NAALADL2: variants seen among roughly 807,000 people sequenced by gnomAD.
NAALADL2 encodes the protein inactive N-acetylated-alpha-linked acidic dipeptidase-like protein 2.
A neutral mutation model predicts 87.2 loss-of-function variants in NAALADL2; 76 were observed. The observed-to-expected ratio is 0.87, with a 90% confidence interval of 0.72 to 1.05. The LOEUF (loss-of-function observed/expected upper bound fraction) is 1.05, where lower values mean the gene tolerates loss of function less well. Among genes scored for constraint, NAALADL2 ranks in the 50% least tolerant of loss-of-function variants. The pLI is 0.00. For synonymous variants in NAALADL2, 354 were observed against 331.0 expected, an observed-to-expected ratio of 1.07 and a Z score of -0.75; for missense variants, 1,089 against 945.8, an observed-to-expected ratio of 1.15 and a Z score of -1.99.
At chr3:175,738,495 C>T (rs1202406089) in intron 12 of NAALADL2, among the ~76,000 whole-genome samples, 1 of 152,202 alleles carries the variant, frequency 6.6e-6, no homozygotes, top group Non-Finnish European at 1.5e-5. Flanking sequence ...AATCTGCCTG[C>T]CTCGGCCTCC....
At chr3:174,918,002 G>A (rs1023747822) in intron 1 of NAALADL2, among the ~76,000 whole-genome samples, 38 of 151,972 alleles carry the variant, frequency 2.5e-4, no homozygotes, top group African/African-American at 2.4e-5. Flanking sequence ...AAATATTTAT[G>A]ATGAAAATAA....
chr3:175,495,421 G>A (rs1382516251), intron 9 of NAALADL2, among the ~76,000 whole-genome samples: 2 of 151,994 alleles, frequency 1.3e-5, no homozygotes, highest in African/African-American at 4.8e-5. Context: ...TGCATGAAAC[G>A]GGGACTAAGA....
chr3:175,166,673 T>A (rs1002037422), intron 2 of NAALADL2, among the ~76,000 whole-genome samples: 1 of 152,046 alleles, frequency 6.6e-6, no homozygotes, highest in African/African-American at 2.4e-5. Flanking sequence ...GATGATTTCA[T>A]ACATTTCCAT....
chr3:175,727,390 C>G (rs144119230), intron 11 of NAALADL2, among the ~76,000 whole-genome samples: 21 of 152,274 alleles, frequency 1.4e-4, no homozygotes, highest in African/African-American at 4.3e-4. Flanking sequence ...TATGTTCACA[C>G]GTAGTTTCTT....
intron 11 of NAALADL2, among the ~76,000 whole-genome samples, chr3:175,668,173 C>T (rs1023211584): frequency 1.3e-5 from 2 of 152,078 alleles, no homozygotes; most frequent in Non-Finnish European, 2.9e-5. Flanking sequence ...ATGGAGAAAA[C>T]TGATTACCTT....
chr3:175,159,823 C>T (rs1467864867), intron 2 of NAALADL2, among the ~76,000 whole-genome samples: 1 of 150,626 alleles, frequency 6.6e-6, no homozygotes, highest in Admixed American at 6.6e-5. Flanking sequence ...CTTCCTTCCT[C>T]TCTCTCTCTT....
At chr3:175,311,691 C>T (rs1051917344) in intron 4 of NAALADL2, among the ~76,000 whole-genome samples, 7 of 144,728 alleles carry the variant, frequency 4.8e-5, no homozygotes, top group African/African-American at 1.8e-4. Flanking sequence ...TTCCTTCCTT[C>T]CTTCCTTCCT....
intron 13 of NAALADL2, among the ~76,000 whole-genome samples, chr3:175,759,263 T>C (rs1051374999): frequency 3.9e-5 from 6 of 152,146 alleles, no homozygotes; most frequent in African/African-American, 1.4e-4. Flanking sequence ...AGAATACTTA[T>C]TCAAAGTGCA....
chr3:174,529,081 C>A (rs867176645), intron 1 of NAALADL2, among the ~76,000 whole-genome samples: 2 of 152,200 alleles, frequency 1.3e-5, no homozygotes, highest in African/African-American at 4.8e-5. Context: ...TGAGACAAGG[C>A]TAGTCCCTTC....
intron 1 of NAALADL2, among the ~76,000 whole-genome samples, chr3:175,036,928 T>A (rs1374356286): frequency 1.3e-5 from 2 of 151,686 alleles, no homozygotes; most frequent in African/African-American, 4.8e-5. Context: ...TGTCTGAATA[T>A]GATACAGTCA....
At chr3:175,084,139 T>G (rs1018236971) in intron 1 of NAALADL2, among the ~76,000 whole-genome samples, 51 of 152,290 alleles carry the variant, frequency 3.3e-4, no homozygotes, top group African/African-American at 1.2e-3. Flanking sequence ...TGATCAGGTG[T>G]GTGTTTTGGA....
chr3:174,652,753 A>T lies in NAALADL2; in HGVS notation c.-114-84888A>T, dbSNP rs182097628. 3.9e-5 allele frequency among the ~76,000 whole-genome samples: 6 copies of T among 152,288 alleles called. No homozygotes were observed. In the East Asian group the frequency reaches 9.7e-4, roughly 25 times the overall value. ...AAAAATCCTATTATATTCAATTAAG[A>T]ACTTCTATAAATCAAAAGACATCAT... On this transcript the variant is annotated intron_variant, in intron 2 of 3. Transcript: ENST00000434257.
At chr3:174,910,192 C>T (rs116762943) in intron 1 of NAALADL2, among the ~76,000 whole-genome samples, 1,695 of 151,832 alleles carry the variant, frequency 0.011, 44 homozygotes, top group African/African-American at 0.039. Flanking sequence ...TAGAGATCGT[C>T]AGAAGGTTAG....
At chr3:174,757,326 G>A (rs1712235768) in intron 3 of NAALADL2, among the ~76,000 whole-genome samples, 1 of 152,140 alleles carries the variant, frequency 6.6e-6, no homozygotes, top group Non-Finnish European at 1.5e-5. Context: ...TAGCCAATGA[G>A]CAAGGCTGGG....
intron 1 of NAALADL2, among the ~76,000 whole-genome samples, chr3:174,960,578 G>A (rs11916492): frequency 0.046 from 7,024 of 151,964 alleles, 277 homozygotes; most frequent in African/African-American, 0.1. Context: ...CCAATAGAAT[G>A]TGTTCTCTGC....
intron 1 of NAALADL2, among the ~76,000 whole-genome samples, chr3:175,010,162 C>T (rs1165934972): frequency 1.3e-5 from 2 of 151,970 alleles, no homozygotes; most frequent in Non-Finnish European, 2.9e-5. Flanking sequence ...TTTAACTTGG[C>T]CAATAATGTT....
rs377710397 is a variant in NAALADL2 at position 174,830,144 on chromosome 3, T to G, written c.-9+92398T>G. Among the ~76,000 whole-genome samples, 417 of 129,352 alleles carry G rather than the reference T, an allele frequency of 3.2e-3. 2 individuals are homozygous for G. Among genetic ancestry groups the G allele is most frequent in the Middle Eastern group, 0.022 (6 of 268 alleles). The allele number at this position is 129,352 out of a possible 152,430, so 84.9% of individuals were successfully genotyped here. ...AATTAGATCCCATTTGTCAATTTTG[T>G]CTTTTGTTGCCATTGCTTTTGGTGT... On this transcript the variant is annotated intron_variant, in intron 3 of 3. Coordinates refer to the NAALADL2 transcript ENST00000434257.
At chr3:175,340,453 C>G (rs774060483) in intron 5 of NAALADL2, among the ~76,000 whole-genome samples, 1 of 152,078 alleles carries the variant, frequency 6.6e-6, no homozygotes, top group Non-Finnish European at 1.5e-5. Flanking sequence ...TAGGAGCCCT[C>G]GATTGCTGGG....
chr3:175,147,084 T>G, intron 2 of NAALADL2, among the ~76,000 whole-genome samples: 1 of 152,158 alleles, frequency 6.6e-6, no homozygotes, highest in Non-Finnish European at 1.5e-5. Context: ...GCAAACATGA[T>G]TTTTAAAAAA....
Sources: allele counts gnomAD v4.1 joint callset (sites outside exome capture counted in the v4.1 genomes callset), GRCh38; gene constraint gnomAD v4.1.1; transcripts MANE v1.5; gene names NCBI Gene and HGNC (gene_info 2026-07-23, HGNC 2026-07-21).